The following FAM83G variants were observed in gnomAD, a reference collection of about 807,000 sequenced individuals.
FAM83G encodes scaffolding CK1 anchoring protein G.
A neutral mutation model predicts 61.5 loss-of-function variants in FAM83G; 38 were observed. The ratio of observed to expected loss-of-function variants is 0.62; its 90% CI spans 0.48 to 0.81. The LOEUF is 0.81. FAM83G is among the 30% of genes least tolerant of loss of function. The pLI is 0.00. For synonymous variants in FAM83G, 470 were observed against 476.1 expected, an observed-to-expected ratio of 0.99 and a Z score of 0.17; for missense variants, 989 against 1,133.6, an observed-to-expected ratio of 0.87 and a Z score of 1.83.
chr17:19,002,657 G>A (rs1227566338), intron 2 of FAM83G, among the ~76,000 whole-genome samples: 2 of 152,220 alleles, frequency 1.3e-5, no homozygotes, highest in African/African-American at 4.8e-5. Flanking sequence ...ACGATGAGAA[G>A]GTACTTACGT....
At chr17:18,987,078 G>T (rs566369188) in intron 3 of FAM83G, among the ~76,000 whole-genome samples, 3 of 152,188 alleles carry the variant, frequency 2.0e-5, no homozygotes, top group African/African-American at 7.2e-5. Context: ...GGGGTTGGAG[G>T]GGGTGGGCGC....
intron 5 of FAM83G, chr17:18,977,272 C>T (rs2043003825): frequency 1.7e-6 from 1 of 583,006 alleles, no homozygotes; most frequent in African/African-American, 1.9e-5. Flanking sequence ...AGGGACTGTG[C>T]CACCCATCTG....
chr17:18,979,868 GC>G (rs1456087528), intron 3 of FAM83G, among the ~76,000 whole-genome samples, 195 bp from the exon 4 acceptor site: 1 of 152,184 alleles, frequency 6.6e-6, no homozygotes, highest in African/African-American at 2.4e-5. Context: ...GAGCTGCTGA[GC>G]CGTGAAGCTA....
upstream of FAM83G, among the ~76,000 whole-genome samples, chr17:19,005,140 GT>G (rs58645239): frequency 0.024 from 3,594 of 152,338 alleles, 125 homozygotes; most frequent in African/African-American, 0.075. Context: ...CAGCTGTCCA[GT>G]TGTGGAAACA....
At chr17:19,002,802 T>A (rs2043764514) in intron 2 of FAM83G, among the ~76,000 whole-genome samples, 1 of 152,180 alleles carries the variant, frequency 6.6e-6, no homozygotes, top group African/African-American at 2.4e-5. Context: ...GCTAGGGCAC[T>A]GCATAGCCCA....
At chr17:18,974,054 G>C (rs867475396) in intron 5 of FAM83G, among the ~76,000 whole-genome samples, 2 of 151,948 alleles carry the variant, frequency 1.3e-5, no homozygotes, top group Non-Finnish European at 2.9e-5. Context: ...CATCATGCCC[G>C]GCTAATTTTT....
rs536087271 is a variant in FAM83G at position 19,001,098 on chromosome 17, C to T, written c.522+2422G>A. Among the ~76,000 whole-genome samples, 5 of 152,344 alleles carry T rather than the reference C, an allele frequency of 3.3e-5. No individual in the cohort carries two copies. The South Asian group carries it at 1.0e-3, about 32-fold the overall frequency. On this transcript the variant is annotated intron_variant, in intron 2 of 5. Transcript: ENST00000388995. ...TTGGGCAGCGACTAACCAGTTTCTACATCTGAAAAATGAGACAGATAACAC... is the reference window on the plus strand; with the variant it reads ...TTGGGCAGCGACTAACCAGTTTCTATATCTGAAAAATGAGACAGATAACAC...
chr17:18,985,503 G>A (rs948615198), intron 3 of FAM83G, among the ~76,000 whole-genome samples: 2 of 152,208 alleles, frequency 1.3e-5, no homozygotes, highest in African/African-American at 4.8e-5. Flanking sequence ...CAGTGGCTGA[G>A]GGCAGGCCCA....
chr17:18,999,931 C>T (rs2043685498), intron 2 of FAM83G, among the ~76,000 whole-genome samples: 1 of 152,232 alleles, frequency 6.6e-6, no homozygotes, highest in South Asian at 2.1e-4. Context: ...TAAGGCCCCC[C>T]TGCTGTGTCC....
rs2043810711 is a variant in FAM83G, at chr17:19,004,067, C to T, written c.-26G>A. ...GGCGCCGCCTGCCCGGGCACTGCTG[C>T]CGGGGGTGGGTGGGCAAGGTCCAGC... On this transcript the variant is annotated 5_prime_UTR_variant, in exon 2 of 6. Transcript: ENST00000388995. The surrounding 1 kb of genome is among the most constrained non-coding windows in gnomAD (Gnocchi z 5.4). 1 of 1,558,348 alleles carries T rather than the reference C, an allele frequency of 6.4e-7. No homozygotes were observed. Among genetic ancestry groups the T allele is most frequent in the Non-Finnish European group, 8.7e-7 (1 of 1,151,568 alleles).
chr17:18,984,134 A>G (rs1313508690), intron 3 of FAM83G, among the ~76,000 whole-genome samples: 1 of 152,054 alleles, frequency 6.6e-6, no homozygotes, highest in Non-Finnish European at 1.5e-5. Flanking sequence ...CGAGGTCAGC[A>G]GATCGAGACC....
At chr17:18,991,832 T>G (rs2043433851) in intron 2 of FAM83G, among the ~76,000 whole-genome samples, 1 of 152,234 alleles carries the variant, frequency 6.6e-6, no homozygotes, top group Admixed American at 6.5e-5. Context: ...GACAGGCCTC[T>G]GCTGGGCGGC....
Position 19,004,564 on chromosome 17 carries a change from A to T in FAM83G, c.-129+145T>A, listed in dbSNP as rs1567808270. The T allele has an allele frequency of 6.6e-6, 1 of 151,534 alleles. No homozygotes were observed. Among genetic ancestry groups the T allele is most frequent in the Non-Finnish European group, 1.5e-5 (1 of 67,860 alleles). The allele number at this position is 151,534 out of a possible 1,614,324, so 9.4% of individuals were successfully genotyped here. On this transcript the variant is annotated intron_variant, in intron 1 of 5. Transcript: ENST00000388995. The surrounding 1 kb of genome is among the most constrained non-coding windows in gnomAD (Gnocchi z 5.4). Reference sequence around the variant, plus strand: ...CTTCCGGGTAAGGGAGGGGTCTTAAAATTTCCGGGTGCCGGCAACCCAGGA... The same window carrying T: ...CTTCCGGGTAAGGGAGGGGTCTTAATATTTCCGGGTGCCGGCAACCCAGGA...
In FAM83G at chr17:18,988,319, G is replaced by A. The variant is rs988276035; in HGVS notation, c.618C>T (p.Ile206=). 14 of 1,614,098 alleles carry A rather than the reference G, an allele frequency of 8.7e-6. No individual in the cohort carries two copies. The highest frequency in any genetic ancestry group is 8.0e-5 in the African/African-American group (6 of 74,948). The change falls in exon 3 of 6, where the codon ATC becomes ATT. Residue 206 remains isoleucine (I), a synonymous_variant. Transcript: ENST00000388995. Reference sequence around the variant, plus strand: ...AGTACTTGACGTTACTCTCATCCACGATGATGTACACGGCCACTTTCCTCT... The same window carrying A: ...AGTACTTGACGTTACTCTCATCCACAATGATGTACACGGCCACTTTCCTCT... The part of the protein sequence containing the change: ...GFKRKVAVYI[I]VDESNVKYFL...
chr17:18,996,227 A>G lies in FAM83G; in HGVS notation c.522+7293T>C, dbSNP rs1199530052. Reference sequence around the variant, plus strand: ...CTAAAGACTTTTTCAAATATAAAAAAGCTGAGAGAATTCATTACCAGCAGA... The same window carrying G: ...CTAAAGACTTTTTCAAATATAAAAAGGCTGAGAGAATTCATTACCAGCAGA... On this transcript the variant is annotated intron_variant, in intron 2 of 5. Coordinates refer to ENST00000388995, the MANE Select transcript of FAM83G (RefSeq NM_001039999.3). This position sits in a 1 kb window ranked among gnomAD's most constrained non-coding sequence, Gnocchi z 4.4. 6.6e-6 allele frequency among the ~76,000 whole-genome samples: 1 copy of G among 152,056 alleles called. No individual in the cohort carries two copies.
At chr17:18,983,160 C>T (rs903800988) in intron 3 of FAM83G, among the ~76,000 whole-genome samples, 2 of 152,186 alleles carry the variant, frequency 1.3e-5, no homozygotes, top group African/African-American at 4.8e-5. Context: ...TGCCCACTGT[C>T]TCCCAGTAGC....
chr17:18,977,742 T>C lies in FAM83G; in HGVS notation c.1924A>G (p.Thr642Ala). 1 of 1,605,526 alleles carries C rather than the reference T, an allele frequency of 6.2e-7. No homozygotes were observed. Among genetic ancestry groups the C allele is most frequent in the Non-Finnish European group, 8.5e-7 (1 of 1,176,546 alleles). ...CTCAGCTGCCGGCGCGGTGGTGGGG[T>C]TGGCCCGTTGGCCACTTGCTCTGAG... is the stretch of plus-strand genomic sequence containing the variant. ...RHSEQVANGP[T>A]PPPRRQLSAP... The change falls in exon 5 of 6, where the codon ACC (threonine) becomes GCC (alanine). Residue 642 changes from threonine to alanine, a missense_variant. Physicochemically the swap from Thr to Ala is moderately conservative, Grantham distance 58. Transcript: ENST00000388995.
intron 5 of FAM83G, chr17:18,975,847 T>G (rs1305270405): frequency 6.6e-6 from 1 of 152,100 alleles, no homozygotes; most frequent in Non-Finnish European, 1.5e-5. Flanking sequence ...GTGTACACTT[T>G]GGGTGAATTA....
In FAM83G at chr17:18,977,608, C is replaced by A; in HGVS notation, c.2058G>T (p.Gln686His). Residue 686 changes from glutamine (Q) to histidine (H), a missense_variant, in exon 5 of 6, where the codon CAG becomes CAT. Gln to His is a conservative substitution (Grantham distance 24). Transcript: ENST00000388995. ...EADALKRMQA[Q>H]RSTDKEAQGQ... The stretch of plus-strand genomic sequence containing the variant: ...CCTGTGCCTCCTTGTCTGTGGAGCG[C>A]TGGGCCTGCATCCTCTTCAACGCAT... 6.2e-7 allele frequency: 1 copy of A among 1,609,294 alleles called. No individual in the cohort carries two copies. The highest frequency in any genetic ancestry group is 2.2e-5 in the East Asian group (1 of 44,884).
Sources: allele counts gnomAD v4.1 joint callset (sites outside exome capture counted in the v4.1 genomes callset), GRCh38; gene constraint gnomAD v4.1.1; non-coding constraint Gnocchi (gnomAD v3.1); transcripts MANE v1.5; gene names NCBI Gene and HGNC (gene_info 2026-07-23, HGNC 2026-07-21).